ADK: variants seen among roughly 807,000 people sequenced by gnomAD.
ADK encodes the protein N6,N6-dimethyladenosine kinase.
Under a neutral mutation model 44.7 loss-of-function variants are expected in ADK, and 24 were observed. The ratio of observed to expected loss-of-function variants is 0.54; its 90% CI spans 0.39 to 0.76. The LOEUF is 0.76. ADK is among the 30% of genes least tolerant of loss of function. ADK has a pLI of 0.00. For synonymous variants in ADK, 128 were observed against 142.6 expected, an observed-to-expected ratio of 0.90 and a Z score of 0.73; for missense variants, 321 against 425.1, an observed-to-expected ratio of 0.76 and a Z score of 2.15.
intron 3 of ADK, among the ~76,000 whole-genome samples, chr10:74,293,233 CAAG>C (rs1839689969): frequency 9.0e-6 from 1 of 111,520 alleles, no homozygotes; most frequent in Non-Finnish European, 1.8e-5. Flanking sequence ...TATTTAGAAA[CAAG>C]AACATTTAAG....
In ADK at chr10:74,303,585, G is replaced by GTTTTTTTTTT. The variant is rs1282565148; in HGVS notation, c.195-11080_195-11079insTTTTTTTTTT. ...AAACACTTTTCATATTGGTTTTAAT[G>GTTTTTTTTTT]TTGTTTTTTTTTTTTTTTTTTTTTT... On this transcript the variant is annotated intron_variant, in intron 3 of 10. Coordinates refer to ENST00000539909, the MANE Select transcript of ADK (RefSeq NM_006721.4). Among the ~76,000 whole-genome samples, 583 of 64,612 alleles carry GTTTTTTTTTT rather than the reference G, an allele frequency of 9.0e-3. 154 individuals are homozygous for GTTTTTTTTTT. The highest frequency in any genetic ancestry group is 0.02 in the Middle Eastern group (2 of 102). The allele number at this position is 64,612 out of a possible 152,430, so 42.4% of individuals were successfully genotyped here.
chr10:74,262,018 A>G (rs1846055795), intron 3 of ADK, among the ~76,000 whole-genome samples: 1 of 152,014 alleles, frequency 6.6e-6, no homozygotes, highest in South Asian at 2.1e-4. Flanking sequence ...CAAGTTTTCC[A>G]CCACAAAAAA....
chr10:74,392,558 C>G (rs374541503), intron 4 of ADK, among the ~76,000 whole-genome samples: 162 of 152,056 alleles, frequency 1.1e-3, no homozygotes, highest in Middle Eastern at 3.4e-3. Context: ...GGATATTAAC[C>G]TTTCATTGGA....
intron 4 of ADK, among the ~76,000 whole-genome samples, chr10:74,360,472 C>T (rs764344205): frequency 2.5e-4 from 38 of 152,130 alleles, no homozygotes; most frequent in Non-Finnish European, 3.8e-4. Context: ...TGTCCATTGC[C>T]GAAAGTAGGA....
At chr10:74,188,974 T>A (rs1027765700) in intron 1 of ADK, among the ~76,000 whole-genome samples, 1 of 152,144 alleles carries the variant, frequency 6.6e-6, no homozygotes, top group African/African-American at 2.4e-5. Context: ...GGTTTTACCA[T>A]GTTGGCCAGG....
intron 3 of ADK, among the ~76,000 whole-genome samples, chr10:74,250,156 A>G (rs907746596): frequency 6.6e-6 from 1 of 152,234 alleles, no homozygotes; most frequent in Admixed American, 6.5e-5. Flanking sequence ...ATTTGGAGTT[A>G]TAGACAGGCA....
At chr10:74,190,491 T>A (rs1842922048) in intron 1 of ADK, among the ~76,000 whole-genome samples, 1 of 152,240 alleles carries the variant, frequency 6.6e-6, no homozygotes. Context: ...TATGGACATC[T>A]CATTCTCCTA....
intron 6 of ADK, among the ~76,000 whole-genome samples, chr10:74,492,349 C>T (rs1189132700): frequency 6.6e-6 from 1 of 151,972 alleles, no homozygotes; most frequent in Non-Finnish European, 1.5e-5. Flanking sequence ...TGCTGGTAGT[C>T]CTAGCTATTT....
intron 3 of ADK, among the ~76,000 whole-genome samples, chr10:74,289,660 C>T (rs1847328426): frequency 1.3e-5 from 2 of 151,732 alleles, no homozygotes; most frequent in Non-Finnish European, 2.9e-5. Flanking sequence ...TTTTGTATTC[C>T]CTTCCAACTA....
At chr10:74,257,384 A>G (rs1345294118) in intron 3 of ADK, among the ~76,000 whole-genome samples, 1 of 152,212 alleles carries the variant, frequency 6.6e-6, no homozygotes, top group Non-Finnish European at 1.5e-5. Flanking sequence ...TGTATTTTAT[A>G]GTCAGTATTT....
At chr10:74,332,258 A>G (rs1478511513) in intron 4 of ADK, among the ~76,000 whole-genome samples, 2 of 152,230 alleles carry the variant, frequency 1.3e-5, no homozygotes, top group Admixed American at 6.5e-5. Context: ...AAAGTTGTTG[A>G]TGATAATATT....
At chr10:74,520,318 CT>C (rs908521755) in intron 6 of ADK, among the ~76,000 whole-genome samples, 3,672 of 148,298 alleles carry the variant, frequency 0.025, 172 homozygotes, top group African/African-American at 0.084. Flanking sequence ...AAAACAAAGT[CT>C]TTTTTTTTTC....
intron 6 of ADK, among the ~76,000 whole-genome samples, chr10:74,439,935 C>T (rs918722741): frequency 1.3e-5 from 2 of 151,888 alleles, no homozygotes; most frequent in African/African-American, 4.8e-5. Context: ...TATATAATTT[C>T]TCCTTACAAC....
chr10:74,589,132 A>C, intron 7 of ADK, 150 bp from the exon 8 acceptor site: 1 of 690,774 alleles, frequency 1.4e-6, no homozygotes, highest in Non-Finnish European at 2.5e-6. Flanking sequence ...GAAAAAAGAA[A>C]TCTTTATTGC....
At chr10:74,265,547 G>A (rs1316964006) in intron 3 of ADK, among the ~76,000 whole-genome samples, 1 of 152,006 alleles carries the variant, frequency 6.6e-6, no homozygotes, top group Non-Finnish European at 1.5e-5. Context: ...CAGCAGATGT[G>A]AACAATAACA....
rs183021075 is a variant in ADK at position 74,581,562 on chromosome 10, C to T, written c.727-7720C>T. The stretch of plus-strand genomic sequence containing the variant: ...GATAATAACTGTAAACCCACAAATC[C>T]AAAAAGCTCAACAAACCAAAAGCAG... On this transcript the variant is annotated intron_variant, in intron 7 of 10. Transcript: ENST00000539909. Among the ~76,000 whole-genome samples, 235 of 151,904 alleles carry T rather than the reference C, an allele frequency of 1.5e-3. 1 individual carries two copies. Among genetic ancestry groups the T allele is most frequent in the African/African-American group, 5.1e-3 (211 of 41,436 alleles).
chr10:74,240,464 C>T (rs1368638889), intron 3 of ADK, among the ~76,000 whole-genome samples: 1 of 151,048 alleles, frequency 6.6e-6, no homozygotes, highest in African/African-American at 2.4e-5. Flanking sequence ...TAAACTGTTA[C>T]TATGATGTAT....
intron 6 of ADK, chr10:74,423,703 C>T: frequency 2.3e-6 from 1 of 443,548 alleles, no homozygotes; most frequent in Non-Finnish European, 4.5e-6. Context: ...AATGTTGGGG[C>T]TGGCCTGCCT....
chr10:74,579,775 T>C (rs192057892), intron 7 of ADK, among the ~76,000 whole-genome samples: 14 of 152,242 alleles, frequency 9.2e-5, no homozygotes, highest in Non-Finnish European at 1.5e-4. Context: ...TTAAGCCAAG[T>C]ACTGAACCAC....
Sources: allele counts gnomAD v4.1 joint callset (sites outside exome capture counted in the v4.1 genomes callset), GRCh38; gene constraint gnomAD v4.1.1; transcripts MANE v1.5; gene names NCBI Gene and HGNC (gene_info 2026-07-23, HGNC 2026-07-21).